METTL4: variants seen among roughly 807,000 people sequenced by gnomAD.
The protein encoded by METTL4 is methyltransferase 4, N6-adenosine, also known as N(6)-adenine-specific methyltransferase METTL4.
Under a neutral mutation model 54.0 loss-of-function variants are expected in METTL4, and 40 were observed. That is an observed-to-expected ratio of 0.74 (90% CI 0.58 to 0.96). The LOEUF is 0.96. Ranked by LOEUF, METTL4 falls within the 50% of genes least tolerant of loss-of-function variation. The pLI, the probability that METTL4 is intolerant of heterozygous loss-of-function variation, is 0.00. For missense variants in METTL4, 525 were observed against 549.0 expected (o/e 0.96, Z 0.44); for synonymous variants, 169 against 183.8 (o/e 0.92, Z 0.65).
At position 2,567,599 on chromosome 18, in the gene METTL4, T is replaced by C. The variant is rs534893510; in HGVS notation, c.-383A>G. The stretch of plus-strand genomic sequence containing the variant: ...TGCTTTGGTCCTTGGGTCTAGCCAC[T>C]AGGTCCACATCCTCCAAGTCAGGAA... On this transcript the variant is annotated 5_prime_UTR_variant, in exon 2 of 9. It removes the in-frame stop codon of an upstream open reading frame in the 5' UTR. Coordinates refer to ENST00000574538, the MANE Select transcript of METTL4 (RefSeq NM_022840.5). 6.2e-6 allele frequency: 1 copy of C among 162,320 alleles called. No individual in the cohort carries two copies. Among genetic ancestry groups the C allele is most frequent in the South Asian group, 1.8e-4 (1 of 5,704 alleles). The allele number at this position is 162,320 out of a possible 1,614,324, so 10.1% of individuals were successfully genotyped here.
rs191870062 is a variant in METTL4, at chr18:2,560,826, C to T, written c.459+2971G>A. ...CCCAGGAGGCAGAGTTTGCAGTGAG[C>T]GGAGATGGGCCACTGCACTCCAGCC... On this transcript the variant is annotated intron_variant, in intron 3 of 8. Transcript: ENST00000574538. Among the ~76,000 whole-genome samples the T allele has an allele frequency of 1.4e-4, 22 of 152,168 alleles. No homozygotes were observed. In the South Asian group the frequency reaches 1.9e-3, roughly 13 times the overall value.
At chr18:2,551,949 C>T (rs1465009353) in intron 5 of METTL4, among the ~76,000 whole-genome samples, 2 of 152,100 alleles carry the variant, frequency 1.3e-5, no homozygotes, top group Non-Finnish European at 2.9e-5. Context: ...AATCCCAGCA[C>T]TTTGGGAGGC....
At chr18:2,568,388 T>A (rs1371537637) in intron 1 of METTL4, 1 of 152,236 alleles carries the variant, frequency 6.6e-6, no homozygotes, top group South Asian at 2.1e-4. Flanking sequence ...CAGTGACACA[T>A]GATGGCAGTC....
In METTL4 at chr18:2,544,178, A is replaced by G. The variant is rs1322037936; in HGVS notation, c.1273+17T>C. 2 of 1,574,242 alleles carry G rather than the reference A, an allele frequency of 1.3e-6. No homozygotes were observed. The highest frequency in any genetic ancestry group is 1.7e-6 in the Non-Finnish European group (2 of 1,158,338). On this transcript the variant is annotated intron_variant, in intron 8 of 8. Coordinates refer to ENST00000574538, the MANE Select transcript of METTL4 (RefSeq NM_022840.5). ...ATTTGACAAAAGTGATAACAATTCT[A>G]TTTTATAAAAACATACCAGCAAGCG...
intron 5 of METTL4, among the ~76,000 whole-genome samples, chr18:2,549,711 G>A (rs996619306): frequency 6.6e-5 from 10 of 151,184 alleles, no homozygotes; most frequent in Non-Finnish European, 1.3e-4. Flanking sequence ...GCTGGGTGTG[G>A]TGGCTTATGT....
chr18:2,566,703 T>C (rs1182695835), intron 2 of METTL4, 118 bp downstream of exon 2: 1 of 791,488 alleles, frequency 1.3e-6, no homozygotes, highest in African/African-American at 1.8e-5. Context: ...CTAAAGCCTT[T>C]TTGGGTTTTA....
intron 2 of METTL4, 101 bp downstream of exon 2, chr18:2,566,720 C>A: frequency 1.0e-6 from 1 of 962,828 alleles, no homozygotes; most frequent in Non-Finnish European, 1.4e-6. Flanking sequence ...TTTACTGATT[C>A]TTCTTTATAC....
intron 3 of METTL4, among the ~76,000 whole-genome samples, chr18:2,557,364 G>T (rs1170945330): frequency 1.3e-5 from 2 of 152,134 alleles, no homozygotes; most frequent in Non-Finnish European, 2.9e-5. Context: ...CAAGAATAGT[G>T]CCTGTTTCCA....
chr18:2,538,351 T>C lies in METTL4; in HGVS notation c.*649A>G, dbSNP rs2071940811. ...ATAAACTCAGTATACTAATGCAGTA[T>C]TTGGCAGATCTTTGAATATTTTCTC... is the stretch of plus-strand genomic sequence containing the variant. On this transcript the variant is annotated 3_prime_UTR_variant, in exon 9 of 9. Coordinates refer to ENST00000574538, the MANE Select transcript of METTL4 (RefSeq NM_022840.5). The C allele has an allele frequency of 6.4e-6, 1 of 156,780 alleles. No individual in the cohort carries two copies. The highest frequency in any genetic ancestry group is 1.4e-5 in the Non-Finnish European group (1 of 71,286). 9.7% of individuals were successfully genotyped at this position (156,780 alleles called of 1,614,324 possible).
chr18:2,558,596 A>G (rs2072271203), intron 3 of METTL4, among the ~76,000 whole-genome samples: 1 of 151,880 alleles, frequency 6.6e-6, no homozygotes. Context: ...AAAGTTAGAA[A>G]AAGAAGAGCA....
chr18:2,544,161 A>G, intron 8 of METTL4, 34 bp downstream of exon 8: 2 of 1,533,420 alleles, frequency 1.3e-6, no homozygotes. Flanking sequence ...AAATTTGACA[A>G]AAGTGATAAC....
chr18:2,566,521 A>G (rs970433134), intron 2 of METTL4, among the ~76,000 whole-genome samples: 4 of 151,804 alleles, frequency 2.6e-5, no homozygotes, highest in Non-Finnish European at 5.9e-5. Context: ...GTTTTGGGGG[A>G]GTTTTTTGTT....
At chr18:2,540,445 A>G in intron 8 of METTL4, 1 of 983,538 alleles carries the variant, frequency 1.0e-6, no homozygotes, top group Non-Finnish European at 1.2e-6. Context: ...GAATATATCA[A>G]ATATTTTAGG....
At chr18:2,544,582 T>C (rs2072042795) in intron 7 of METTL4, 71 bp downstream of exon 7, 1 of 999,854 alleles carries the variant, frequency 1.0e-6, no homozygotes, top group Non-Finnish European at 1.5e-6. Context: ...AAAAAGTCAA[T>C]GATTACTAAT....
In METTL4 at chr18:2,539,161, A is replaced by G. The variant is rs73938955; in HGVS notation, c.1274-16T>C. 11,082 of 1,591,164 alleles carry G rather than the reference A, an allele frequency of 7.0e-3. 257 individuals are homozygous for G. The highest frequency in any genetic ancestry group is 0.06 in the East Asian group (2,693 of 44,724). On this transcript the variant is annotated splice_polypyrimidine_tract_variant and intron_variant, in intron 8 of 8. Transcript: ENST00000574538. Reference sequence around the variant, plus strand: ...TTTAAAACCTCTGTTTAAAAAAGAGAAAAAACACAAAAATTATTATTGAGG... The same window carrying G: ...TTTAAAACCTCTGTTTAAAAAAGAGGAAAAACACAAAAATTATTATTGAGG...
At chr18:2,569,383 A>G (rs980520446) in intron 1 of METTL4, among the ~76,000 whole-genome samples, 23 of 152,076 alleles carry the variant, frequency 1.5e-4, no homozygotes, top group African/African-American at 4.6e-4. Context: ...GATTCCCATC[A>G]TAACTGGTGG....
At position 2,555,038 on chromosome 18, in the gene METTL4, T is replaced by G; in HGVS notation, c.460A>C (p.Ile154Leu). The change falls in exon 4 of 9, where the codon ATC (isoleucine) becomes CTC (leucine). Residue 154 changes from isoleucine to leucine, a missense_variant and splice_region_variant. By Grantham distance (5) the Ile-to-Leu change is conservative (BLOSUM62 2). Transcript: ENST00000574538. Reference protein sequence around the residue: ...ELDAMEYHTKIRELILDGSLQ... With the variant: ...ELDAMEYHTKLRELILDGSLQ... ...GATCCATCCAAAATCAGCTCCCTGATCTGTAAGAGAATTTTAAGTACATTA... is the reference window on the plus strand; with the variant it reads ...GATCCATCCAAAATCAGCTCCCTGAGCTGTAAGAGAATTTTAAGTACATTA... 1 of 1,609,748 alleles carries G rather than the reference T, an allele frequency of 6.2e-7. No homozygotes were observed. Among genetic ancestry groups the G allele is most frequent in the Non-Finnish European group, 8.5e-7 (1 of 1,179,074 alleles).
chr18:2,553,606 A>T (rs1009741197), intron 4 of METTL4: 2 of 152,158 alleles, frequency 1.3e-5, no homozygotes, highest in African/African-American at 4.8e-5. Flanking sequence ...ACATCCAATT[A>T]TTATGGTGTT....
chr18:2,548,070 C>T (rs1419171695), intron 5 of METTL4, among the ~76,000 whole-genome samples: 1 of 152,168 alleles, frequency 6.6e-6, no homozygotes, highest in Non-Finnish European at 1.5e-5. Flanking sequence ...TCTCACCTAT[C>T]CTCATCTCCA....
Sources: allele counts gnomAD v4.1 joint callset (sites outside exome capture counted in the v4.1 genomes callset), GRCh38; gene constraint gnomAD v4.1.1; transcripts MANE v1.5; gene names NCBI Gene and HGNC (gene_info 2026-07-23, HGNC 2026-07-21).